Variants in ZNF717 observed in about 807,000 individuals in gnomAD.
ZNF717 encodes zinc finger protein 717.
A neutral mutation model predicts 13.8 loss-of-function variants in ZNF717; 9 were observed. The observed-to-expected ratio is 0.65, with a 90% CI of 0.39 to 1.14. The LOEUF (loss-of-function observed/expected upper bound fraction) is 1.14, where lower values mean the gene tolerates loss of function less well. ZNF717 is among the 50% of genes most tolerant of loss of function. ZNF717 has a pLI of 0.01. For synonymous variants in ZNF717, 327 were observed against 364.1 expected (o/e 0.90, Z 1.16); for missense variants, 1,040 against 1,080.7 (o/e 0.96, Z 0.53).
chr3:75,777,029 G>A (rs112764528), intron 2 of ZNF717, among the ~76,000 whole-genome samples: 61 of 136,162 alleles, frequency 4.5e-4, no homozygotes, highest in South Asian at 9.2e-4. Context: ...TGATATCCCA[G>A]TAGTCGTAAG....
intron 6 of ZNF717, among the ~76,000 whole-genome samples, chr3:75,695,477 G>C (rs1340216251): frequency 6.6e-6 from 1 of 152,306 alleles, no homozygotes; most frequent in East Asian, 1.9e-4. Context: ...CAGAACAAAT[G>C]AACCTACTAG....
rs1277247809 is a variant in ZNF717 at position 75,758,006 on chromosome 3, T to C, written c.58-16270A>G. On this transcript the variant is annotated intron_variant, in intron 2 of 4. Transcript: ENST00000652011. ...GGTGGGGGATGCCTGTAATCCGAAATACTTGGGAGGCTGAGGCAGGAGAAT... is the reference window on the plus strand; with the variant it reads ...GGTGGGGGATGCCTGTAATCCGAAACACTTGGGAGGCTGAGGCAGGAGAAT... 2.1e-5 allele frequency among the ~76,000 whole-genome samples: 3 copies of C among 142,858 alleles called. No individual in the cohort carries two copies. In the East Asian group the frequency reaches 6.3e-4, roughly 30 times the overall value. The allele number at this position is 142,858 out of a possible 152,430, so 93.7% of individuals were successfully genotyped here. A position where few individuals can be genotyped will look rare whatever the true frequency, so the allele number is the denominator to read the frequency against.
At chr3:75,764,470 A>G (rs1943270942) in intron 2 of ZNF717, among the ~76,000 whole-genome samples, 1 of 152,220 alleles carries the variant, frequency 6.6e-6, no homozygotes, top group African/African-American at 2.4e-5. Context: ...TGCCCAACGT[A>G]ATGAGGATGA....
At chr3:75,705,355 G>C (rs139211877), downstream of ZNF717, among the ~76,000 whole-genome samples, 18 of 89,180 alleles carry the variant, frequency 2.0e-4, no homozygotes, top group African/African-American at 7.1e-4. Flanking sequence ...GCTTGGTCAG[G>C]ATAAAAAATT....
chr3:75,757,025 A>G (rs1475689751), intron 2 of ZNF717, among the ~76,000 whole-genome samples: 1 of 152,268 alleles, frequency 6.6e-6, no homozygotes, highest in Non-Finnish European at 1.5e-5. Flanking sequence ...GCTGCAGAAG[A>G]AAAGTCTGAA....
chr3:75,734,810 T>C (rs1331598332), downstream of ZNF717, among the ~76,000 whole-genome samples: 35 of 17,816 alleles, frequency 2.0e-3, no homozygotes, highest in African/African-American at 6.0e-3. Flanking sequence ...TATATATATA[T>C]ATATATATTT....
intron 4 of ZNF717, among the ~76,000 whole-genome samples, chr3:75,723,038 G>A (rs112101690): frequency 6.6e-6 from 1 of 151,864 alleles, no homozygotes; most frequent in East Asian, 1.9e-4. Context: ...TTGGTTCATC[G>A]AATAATGCAG....
At chr3:75,726,312 G>A (rs150849604), downstream of ZNF717, among the ~76,000 whole-genome samples, 1 of 152,236 alleles carries the variant, frequency 6.6e-6, no homozygotes, top group Non-Finnish European at 1.5e-5. Flanking sequence ...GAGAGACTTT[G>A]CTTCACCTGT....
intron 2 of ZNF717, among the ~76,000 whole-genome samples, chr3:75,763,487 T>G (rs1450450317): frequency 6.6e-6 from 1 of 152,268 alleles, no homozygotes. Context: ...CTGCACATCA[T>G]GTATCTCATA....
chr3:75,701,989 G>A (rs1937706071), intron 6 of ZNF717, among the ~76,000 whole-genome samples: 2 of 152,416 alleles, frequency 1.3e-5, no homozygotes, highest in South Asian at 4.1e-4. Flanking sequence ...AAAAACAAAT[G>A]TTGGTGAGTA....
downstream of ZNF717, among the ~76,000 whole-genome samples, chr3:75,724,991 G>A (rs1938248690): frequency 6.6e-6 from 1 of 152,138 alleles, no homozygotes; most frequent in African/African-American, 2.4e-5. Context: ...ACAACTTTAT[G>A]ACTCAGTGAA....
intron 2 of ZNF717, among the ~76,000 whole-genome samples, chr3:75,745,815 C>T (rs1260806950): frequency 1.3e-5 from 2 of 151,310 alleles, no homozygotes; most frequent in Non-Finnish European, 2.9e-5. Context: ...TTTTTACTGC[C>T]AAATAATATA....
intron 2 of ZNF717, among the ~76,000 whole-genome samples, chr3:75,747,944 AG>A (rs1941332164): frequency 1.3e-5 from 2 of 152,196 alleles, no homozygotes; most frequent in African/African-American, 4.8e-5. Context: ...ATAGACCACT[AG>A]CAAGACTGAT....
chr3:75,744,719 CT>C (rs1167255257), intron 2 of ZNF717, among the ~76,000 whole-genome samples: 269 of 152,288 alleles, frequency 1.8e-3, no homozygotes, highest in African/African-American at 5.8e-3. Flanking sequence ...TGACAAACAC[CT>C]GACAAAACTC....
chr3:75,728,235 G>A (rs2106888617), downstream of ZNF717, among the ~76,000 whole-genome samples: 1 of 152,374 alleles, frequency 6.6e-6, no homozygotes, highest in African/African-American at 2.4e-5. Context: ...AGCCATGCAT[G>A]ACTGTACTTT....
intron 4 of ZNF717, among the ~76,000 whole-genome samples, chr3:75,720,456 A>G (rs79471100): frequency 2.0e-5 from 3 of 152,242 alleles, no homozygotes; most frequent in South Asian, 4.1e-4. Flanking sequence ...AGACGTAAAC[A>G]TGGGAACAAT....
At position 75,747,566 on chromosome 3, in the gene ZNF717, C is replaced by T. The variant is rs190700671; in HGVS notation, c.58-5830G>A. On this transcript the variant is annotated intron_variant, in intron 2 of 4. Transcript: ENST00000652011. ...AGTGGTTTGCAGTTCTCCTTGAAGACCTTCTTCACAACCATTGTAAGTTGG... is the reference window on the plus strand; with the variant it reads ...AGTGGTTTGCAGTTCTCCTTGAAGATCTTCTTCACAACCATTGTAAGTTGG... 1.4e-3 allele frequency among the ~76,000 whole-genome samples: 214 copies of T among 152,172 alleles called. 3 individuals carry two copies. The highest frequency in any genetic ancestry group is 5.1e-3 in the African/African-American group (211 of 41,536).
chr3:75,717,233 C>T (rs74512871), intron 4 of ZNF717, among the ~76,000 whole-genome samples: 1 of 143,186 alleles, frequency 7.0e-6, no homozygotes, highest in East Asian at 2.1e-4. Flanking sequence ...ACTGAGGTGT[C>T]ATTCCAGACA....
downstream of ZNF717, among the ~76,000 whole-genome samples, chr3:75,727,396 T>A (rs1242744472): frequency 3.3e-5 from 5 of 152,182 alleles, no homozygotes; most frequent in East Asian, 1.9e-4. Flanking sequence ...AATACAGCCA[T>A]GTTTTTCTTC....
Sources: allele counts gnomAD v4.1 joint callset (sites outside exome capture counted in the v4.1 genomes callset), GRCh38; gene constraint gnomAD v4.1.1; transcripts MANE v1.5; gene names NCBI Gene and HGNC (gene_info 2026-07-23, HGNC 2026-07-21).